PCSK5: variants seen among roughly 807,000 people sequenced by gnomAD.
PCSK5 encodes the protein proprotein convertase subtilisin/kexin type 5.
PCSK5 carries 129 observed loss-of-function variants against 233.2 expected under a neutral mutation model. That is an observed-to-expected ratio of 0.55 (90% CI 0.48 to 0.64). PCSK5 has a LOEUF of 0.64. Among genes scored for constraint, PCSK5 ranks in the 30% least tolerant of loss-of-function variants. The probability of loss-of-function intolerance (pLI) is 0.00; values close to 1 mark genes in which losing one functional copy is unlikely to be tolerated. For synonymous variants in PCSK5, 825 were observed against 879.2 expected (o/e 0.94, Z 1.09); for missense variants, 2,076 against 2,430.1 (o/e 0.85, Z 3.06).
chr9:76,020,086 G>A lies in PCSK5; in HGVS notation c.412-3652G>A, dbSNP rs956384708. Among the ~76,000 whole-genome samples the A allele has an allele frequency of 6.6e-5, 10 of 152,332 alleles. No homozygotes were observed. The South Asian group carries it at 2.1e-3, about 32-fold the overall frequency. On this transcript the variant is annotated intron_variant, in intron 3 of 37. Transcript: ENST00000674117. Reference sequence around the variant, plus strand: ...CACCAGGCTGTGGGCTGCATGTGTGGTAACACAATTCTAGACACTCTTCTT... The same window carrying A: ...CACCAGGCTGTGGGCTGCATGTGTGATAACACAATTCTAGACACTCTTCTT...
intron 1 of PCSK5, among the ~76,000 whole-genome samples, chr9:75,917,724 A>G (rs1823066076): frequency 6.6e-6 from 1 of 152,244 alleles, no homozygotes; most frequent in Non-Finnish European, 1.5e-5. Context: ...TACTTTATTC[A>G]TCTTGCTTGT....
intron 9 of PCSK5, among the ~76,000 whole-genome samples, chr9:76,108,380 A>G (rs1298921449): frequency 6.6e-6 from 1 of 152,228 alleles, no homozygotes; most frequent in Non-Finnish European, 1.5e-5. Flanking sequence ...AGGCCCATTC[A>G]TCTAGCTGCA....
In PCSK5 at chr9:75,925,602, G is replaced by C. The variant is rs563678866; in HGVS notation, c.193-6777G>C. Among the ~76,000 whole-genome samples, 6 of 152,292 alleles carry C rather than the reference G, an allele frequency of 3.9e-5. No homozygotes were observed. In the East Asian group the frequency reaches 1.2e-3, roughly 29 times the overall value. ...AGAGGGGCAACAGTAATTTTAAATT[G>C]GGTGGTCACAGAAAGCCTCCCTAAG... is the stretch of plus-strand genomic sequence containing the variant. On this transcript the variant is annotated intron_variant, in intron 1 of 37. Coordinates refer to ENST00000674117, the MANE Select transcript of PCSK5 (RefSeq NM_001372043.1).
chr9:76,220,340 AAC>A (rs1178054925), intron 20 of PCSK5, among the ~76,000 whole-genome samples: 2 of 152,050 alleles, frequency 1.3e-5, no homozygotes, highest in East Asian at 3.9e-4. Context: ...CAGCCTGGCC[AAC>A]ATGGTGAAAC....
intron 10 of PCSK5, among the ~76,000 whole-genome samples, chr9:76,134,879 T>G (rs528725696): frequency 6.6e-6 from 1 of 152,138 alleles, no homozygotes; most frequent in Non-Finnish European, 1.5e-5. Flanking sequence ...ATAATAAAAA[T>G]AAAATTAGCT....
At position 75,900,200 on chromosome 9, in the gene PCSK5, C is replaced by T. The variant is rs187644438; in HGVS notation, c.192+8827C>T. ...AAAGGGTTTGAAACCTAATACTGCT[C>T]CTTCCTAGCTGGAGGACCCTAGATA... On this transcript the variant is annotated intron_variant, in intron 1 of 37. Coordinates refer to ENST00000674117, the MANE Select transcript of PCSK5 (RefSeq NM_001372043.1). Among the ~76,000 whole-genome samples, 457 of 152,222 alleles carry T rather than the reference C, an allele frequency of 3.0e-3. 5 individuals carry two copies. The highest frequency in any genetic ancestry group is 3.6e-3 in the Non-Finnish European group (243 of 68,008).
intron 10 of PCSK5, among the ~76,000 whole-genome samples, chr9:76,154,974 T>C (rs1276967917): frequency 1.3e-5 from 2 of 152,320 alleles, no homozygotes; most frequent in South Asian, 2.1e-4. Context: ...ATAAAACTTA[T>C]CAACTTGTGA....
intron 3 of PCSK5, among the ~76,000 whole-genome samples, chr9:75,992,561 A>T (rs1445879416): frequency 6.6e-6 from 1 of 152,030 alleles, no homozygotes; most frequent in Non-Finnish European, 1.5e-5. Flanking sequence ...CCCGTAGTAA[A>T]TAACTTTAAA....
At chr9:76,073,640 C>T (rs892906928) in intron 7 of PCSK5, among the ~76,000 whole-genome samples, 2 of 152,008 alleles carry the variant, frequency 1.3e-5, no homozygotes, top group Non-Finnish European at 2.9e-5. Flanking sequence ...GTATATGGCT[C>T]TTATAATAAA....
At chr9:76,278,170 C>G (rs1827750348) in intron 24 of PCSK5, among the ~76,000 whole-genome samples, 1 of 152,182 alleles carries the variant, frequency 6.6e-6, no homozygotes, top group Admixed American at 6.6e-5. Context: ...CCACTGAAAG[C>G]CACGAGTCTC....
chr9:76,134,712 C>T (rs1241205341), intron 10 of PCSK5, among the ~76,000 whole-genome samples: 1 of 151,932 alleles, frequency 6.6e-6, no homozygotes, highest in Non-Finnish European at 1.5e-5. Context: ...AGAAATGTTA[C>T]TTTATATAAA....
At chr9:76,046,559 C>CTTTTTTTTTTTTT (rs553542037) in intron 5 of PCSK5, among the ~76,000 whole-genome samples, 7 of 104,806 alleles carry the variant, frequency 6.7e-5, no homozygotes, top group Non-Finnish European at 1.2e-4. Flanking sequence ...CTTTCTTTTT[C>CTTTTTTTTTTTTT]TTTTTTTTTT....
intron 27 of PCSK5, among the ~76,000 whole-genome samples, chr9:76,300,199 G>A (rs1377280079): frequency 6.6e-6 from 1 of 152,210 alleles, no homozygotes; most frequent in Non-Finnish European, 1.5e-5. Context: ...GACTTCAGTA[G>A]TGGGAAGATA....
At chr9:76,054,073 G>A (rs1353482404) in intron 5 of PCSK5, among the ~76,000 whole-genome samples, 4 of 152,176 alleles carry the variant, frequency 2.6e-5, no homozygotes, top group African/African-American at 9.7e-5. Context: ...GAGAGCATGT[G>A]CAGGGAAACT....
chr9:76,221,808 G>A (rs777192915), intron 20 of PCSK5, among the ~76,000 whole-genome samples: 6 of 152,202 alleles, frequency 3.9e-5, no homozygotes, highest in Non-Finnish European at 8.8e-5. Context: ...TTTTGCAGGA[G>A]TGCCAACCCA....
At chr9:76,257,301 A>G (rs1021305675) in intron 24 of PCSK5, among the ~76,000 whole-genome samples, 1 of 149,690 alleles carries the variant, frequency 6.7e-6, no homozygotes, top group Non-Finnish European at 1.5e-5. Flanking sequence ...GGTTGAGGAG[A>G]AAAAAAAAAT....
At chr9:76,004,031 C>T (rs976079016) in intron 3 of PCSK5, among the ~76,000 whole-genome samples, 6 of 152,130 alleles carry the variant, frequency 3.9e-5, no homozygotes, top group Non-Finnish European at 8.8e-5. Flanking sequence ...TTCCTGGCCT[C>T]AGGTGATCCT....
chr9:76,349,046 A>G (rs543267476), intron 35 of PCSK5, among the ~76,000 whole-genome samples: 1 of 152,116 alleles, frequency 6.6e-6, no homozygotes, highest in African/African-American at 2.4e-5. Context: ...CTGAGGTGGG[A>G]GGATCACCAG....
chr9:76,270,667 T>C (rs376529351), intron 24 of PCSK5, among the ~76,000 whole-genome samples: 1 of 152,230 alleles, frequency 6.6e-6, no homozygotes, highest in Admixed American at 6.5e-5. Context: ...TCCCAAGGCC[T>C]GCAGCCTGGA....
Sources: gnomAD v4.1 joint callset for allele counts (sites outside exome capture counted in the v4.1 genomes callset) on GRCh38, gnomAD v4.1.1 for gene constraint, MANE v1.5 for transcripts, NCBI Gene and HGNC (gene_info 2026-07-23, HGNC 2026-07-21) for gene names.